Variants in CHST9 observed in about 807,000 individuals in gnomAD.
The protein encoded by CHST9 is GalNAc-4-sulfotransferase 2.
A neutral mutation model predicts 44.4 loss-of-function variants in CHST9; 41 were observed. That is an observed-to-expected ratio of 0.92 (90% confidence interval 0.72 to 1.20). The LOEUF (loss-of-function observed/expected upper bound fraction) is 1.20. Ranked by LOEUF, CHST9 falls within the 50% of genes most tolerant of loss-of-function variation. CHST9 has a pLI of 0.00. For synonymous variants in CHST9, 171 were observed against 178.4 expected, an observed-to-expected ratio of 0.96 and a Z score of 0.33; for missense variants, 504 against 516.5, an observed-to-expected ratio of 0.98 and a Z score of 0.23.
rs1555679870 is a variant in CHST9, at chr18:27,053,294, G to GAAGGAGAAGGAC, written c.122-4792_122-4791insGTCCTTCTCCTT. On this transcript the variant is annotated intron_variant, in intron 2 of 5. Transcript: ENST00000618847. ...AGAAGGAGAAGGAGAAGGAGAAGGA[G>GAAGGAGAAGGAC]AAGGAGAAGGAGAAGGAGAAGGAGA... Among the ~76,000 whole-genome samples the GAAGGAGAAGGAC allele has an allele frequency of 1.5e-4, 20 of 133,196 alleles. 1 individual carries two copies. In the East Asian group the frequency reaches 3.3e-3, roughly 22 times the overall value. 87.4% of individuals were successfully genotyped at this position (133,196 alleles called of 152,430 possible).
At chr18:27,069,690 T>C (rs1788004643) in intron 2 of CHST9, among the ~76,000 whole-genome samples, 1 of 152,194 alleles carries the variant, frequency 6.6e-6, no homozygotes. Flanking sequence ...GTTTCCAAAT[T>C]CCTGCTATAT....
intron 5 of CHST9, chr18:26,933,475 C>T (rs1029713610): frequency 6.5e-5 from 10 of 153,362 alleles, no homozygotes; most frequent in African/African-American, 1.9e-4. Context: ...CTGCAGCAAC[C>T]GTGAGAACCT....
At chr18:27,009,436 T>C (rs1024688187) in intron 4 of CHST9, among the ~76,000 whole-genome samples, 6 of 152,228 alleles carry the variant, frequency 3.9e-5, no homozygotes, top group African/African-American at 9.6e-5. Flanking sequence ...AATTCGTTGT[T>C]CATGATCCTT....
Position 26,910,211 on chromosome 18 carries a change from T to A in CHST9, c.*6048A>T, listed in dbSNP as rs527715590. 6.6e-6 allele frequency: 1 copy of A among 152,136 alleles called. No homozygotes were observed. Among genetic ancestry groups the A allele is most frequent in the African/African-American group, 2.4e-5 (1 of 41,416 alleles). 9.4% of individuals were successfully genotyped at this position (152,136 alleles called of 1,614,324 possible). A position where few individuals can be genotyped will look rare whatever the true frequency, so the allele number is the denominator to read the frequency against. On this transcript the variant is annotated 3_prime_UTR_variant, in exon 6 of 6. Coordinates refer to ENST00000618847, the MANE Select transcript of CHST9 (RefSeq NM_031422.6). ...GGATTTCTCCCAACATCTTTGTCAT[T>A]GGTCAAAAGAGACTTCCCCAAACAA... is the stretch of plus-strand genomic sequence containing the variant.
chr18:27,051,477 T>TG lies in CHST9; in HGVS notation c.122-2975dup, dbSNP rs2057566112. Among the ~76,000 whole-genome samples the TG allele has an allele frequency of 2.0e-5, 3 of 152,266 alleles. No individual in the cohort carries two copies. In the East Asian group the frequency reaches 5.8e-4, roughly 29 times the overall value. On this transcript the variant is annotated intron_variant, in intron 2 of 5. Transcript: ENST00000618847. ...TTCCTTTCTTTTGGATCACTCCCTCTGGGGGATGCCGGATAATATGTTGTG... is the reference window on the plus strand; with the variant it reads ...TTCCTTTCTTTTGGATCACTCCCTCTGGGGGGATGCCGGATAATATGTTGTG...
chr18:27,108,807 G>A (rs143748410), intron 2 of CHST9, among the ~76,000 whole-genome samples: 19 of 152,282 alleles, frequency 1.2e-4, no homozygotes, highest in South Asian at 6.2e-4. Context: ...CTTTCATATT[G>A]GGACACAAAA....
intron 2 of CHST9, among the ~76,000 whole-genome samples, chr18:27,109,663 C>T (rs2058253015): frequency 6.6e-6 from 1 of 152,170 alleles, no homozygotes; most frequent in African/African-American, 2.4e-5. Context: ...TTGGTGCTGA[C>T]GCCAGCTGCT....
chr18:27,075,129 T>C (rs1340353807), intron 2 of CHST9, among the ~76,000 whole-genome samples: 1 of 150,738 alleles, frequency 6.6e-6, no homozygotes, highest in Non-Finnish European at 1.5e-5. Context: ...TTGCAGCTCT[T>C]ATGAGAGGGT....
At chr18:26,974,256 C>A (rs2056589463) in intron 4 of CHST9, among the ~76,000 whole-genome samples, 1 of 152,226 alleles carries the variant, frequency 6.6e-6, no homozygotes. Flanking sequence ...ACAGTGGACA[C>A]AGGCAGGCAT....
chr18:26,975,725 GTATATATATATATATATA>G lies in CHST9; in HGVS notation c.203-31377_203-31360del, dbSNP rs59671204. Among the ~76,000 whole-genome samples the G allele has an allele frequency of 1.5e-3, 149 of 101,842 alleles. 2 individuals carry two copies. The highest frequency in any genetic ancestry group is 3.0e-3 in the South Asian group (7 of 2,300). 66.8% of individuals were successfully genotyped at this position (101,842 alleles called of 152,430 possible). A position where few individuals can be genotyped will look rare whatever the true frequency, so the allele number is the denominator to read the frequency against. On this transcript the variant is annotated intron_variant, in intron 4 of 5. Transcript: ENST00000618847. ...TGTGTATATATGTGTGTGTGTGTGT[GTATATATATATATATATA>G]TATATATATATATATATATATAACA...
chr18:27,033,352 C>T (rs1037106463), intron 3 of CHST9, among the ~76,000 whole-genome samples: 7 of 152,124 alleles, frequency 4.6e-5, no homozygotes, highest in African/African-American at 1.7e-4. Context: ...TGTCCTTTAC[C>T]CCACCCCTTT....
intron 1 of CHST9, among the ~76,000 whole-genome samples, chr18:27,184,410 CG>C (rs1016361628): frequency 3.9e-5 from 6 of 152,142 alleles, no homozygotes; most frequent in African/African-American, 1.2e-4. Context: ...GATGTTCAAA[CG>C]GGGCAGAAGA....
chr18:27,133,480 T>C (rs368054272), intron 2 of CHST9, among the ~76,000 whole-genome samples: 1 of 151,642 alleles, frequency 6.6e-6, no homozygotes, highest in African/African-American at 2.4e-5. Context: ...CAGAGTTGAG[T>C]TGTAATTGGC....
At chr18:26,919,704 A>G (rs558055160) in intron 5 of CHST9, among the ~76,000 whole-genome samples, 8 of 152,040 alleles carry the variant, frequency 5.3e-5, no homozygotes, top group Non-Finnish European at 2.9e-5. Flanking sequence ...TCAGAAATAA[A>G]AACAAAATCC....
Position 27,036,775 on chromosome 18 carries a change from T to A in CHST9, c.160+11690A>T, listed in dbSNP as rs576308766. Among the ~76,000 whole-genome samples, 864 of 152,280 alleles carry A rather than the reference T, an allele frequency of 5.7e-3. 8 individuals carry two copies. Among genetic ancestry groups the A allele is most frequent in the African/African-American group, 0.01 (423 of 41,576 alleles). ...CTAGATAGAAAGAGACTATTTTTTT[T>A]AAAATTTTATTTTATGGTAAGAACG... On this transcript the variant is annotated intron_variant, in intron 3 of 5. Transcript: ENST00000618847.
chr18:27,094,298 A>G (rs941723186), intron 2 of CHST9, among the ~76,000 whole-genome samples: 4 of 152,194 alleles, frequency 2.6e-5, no homozygotes, highest in African/African-American at 7.2e-5. Flanking sequence ...TAAAGAAAAC[A>G]AAATCTTATT....
At chr18:27,070,450 T>C (rs536897021) in intron 2 of CHST9, among the ~76,000 whole-genome samples, 1 of 152,334 alleles carries the variant, frequency 6.6e-6, no homozygotes, top group East Asian at 1.9e-4. Flanking sequence ...GGCATGAAGG[T>C]CTGAAATGGC....
intron 3 of CHST9, among the ~76,000 whole-genome samples, chr18:27,046,921 C>T (rs1447565030): frequency 6.6e-6 from 1 of 152,032 alleles, no homozygotes; most frequent in African/African-American, 2.4e-5. Flanking sequence ...TTTCTCATAG[C>T]CCTGGTGACC....
At chr18:26,976,028 G>T (rs1463845339) in intron 4 of CHST9, among the ~76,000 whole-genome samples, 1 of 151,736 alleles carries the variant, frequency 6.6e-6, no homozygotes, top group Non-Finnish European at 1.5e-5. Flanking sequence ...TCATGGGTGG[G>T]AGTGCCAGCC....
Sources: gnomAD v4.1 joint callset for allele counts (sites outside exome capture counted in the v4.1 genomes callset) on GRCh38, gnomAD v4.1.1 for gene constraint, MANE v1.5 for transcripts, NCBI Gene and HGNC (gene_info 2026-07-23, HGNC 2026-07-21) for gene names.